WWP2: variants seen among roughly 807,000 people sequenced by gnomAD.
WWP2 encodes the protein WW domain containing E3 ubiquitin protein ligase 2.
A neutral mutation model predicts 121.0 loss-of-function variants in WWP2; 57 were observed. The observed-to-expected ratio is 0.47, with a 90% CI of 0.38 to 0.59. The LOEUF is 0.59. WWP2 is among the 20% of genes least tolerant of loss of function. WWP2 has a pLI of 0.00. For synonymous variants in WWP2, 449 were observed against 441.3 expected, an observed-to-expected ratio of 1.02 and a Z score of -0.22; for missense variants, 962 against 1,158.9, an observed-to-expected ratio of 0.83 and a Z score of 2.47.
chr16:69,937,036 G>A lies in WWP2; in HGVS notation c.2118-82G>A, dbSNP rs979841275. On this transcript the variant is annotated intron_variant, in intron 19 of 23. Transcript: ENST00000359154. The surrounding 1 kb of genome is among the most constrained non-coding windows in gnomAD (Gnocchi z 6.6). ...CTCTGCTGATCTGGTGGTCCTGCGCGGTAACGGCCACGCGGCCTGGCCGGG... is the reference window on the plus strand; with the variant it reads ...CTCTGCTGATCTGGTGGTCCTGCGCAGTAACGGCCACGCGGCCTGGCCGGG... The A allele has an allele frequency of 4.9e-5, 76 of 1,545,022 alleles. No homozygotes were observed. Among genetic ancestry groups the A allele is most frequent in the Non-Finnish European group, 5.9e-5 (68 of 1,143,404 alleles).
intron 1 of WWP2, among the ~76,000 whole-genome samples, chr16:69,766,664 C>A (rs1296051881): frequency 6.6e-6 from 1 of 152,186 alleles, no homozygotes; most frequent in Non-Finnish European, 1.5e-5. Context: ...GACCCTTAAG[C>A]CCCTATTCAG....
chr16:69,829,621 C>T (rs771790030), intron 4 of WWP2, among the ~76,000 whole-genome samples: 13 of 152,202 alleles, frequency 8.5e-5, no homozygotes, highest in Non-Finnish European at 1.6e-4. Flanking sequence ...TGACAGTTAT[C>T]AGTTTCTCAA....
chr16:69,843,134 A>G (rs2057010287), intron 6 of WWP2, among the ~76,000 whole-genome samples: 1 of 152,096 alleles, frequency 6.6e-6, no homozygotes, highest in Non-Finnish European at 1.5e-5. Flanking sequence ...AGCCACAGTT[A>G]TTCTTCCAGG....
intron 1 of WWP2, among the ~76,000 whole-genome samples, chr16:69,785,160 G>C (rs1432902541): frequency 1.3e-5 from 2 of 151,904 alleles, no homozygotes; most frequent in East Asian, 3.9e-4. Flanking sequence ...TTCAACTTGG[G>C]AGGTGGAGGC....
chr16:69,937,079 G>A lies in WWP2; in HGVS notation c.2118-39G>A, dbSNP rs375663821. 1 of 1,606,358 alleles carries A rather than the reference G, an allele frequency of 6.2e-7. No homozygotes were observed. On this transcript the variant is annotated intron_variant, in intron 19 of 23. Transcript: ENST00000359154. This position sits in a 1 kb window ranked among gnomAD's most constrained non-coding sequence, Gnocchi z 6.6. ...TGGCCGGGAGCCACCCCTGAGCAGT[G>A]GGTCTCAGACTCCACCCATGGCTGC... is the stretch of plus-strand genomic sequence containing the variant.
chr16:69,846,745 A>T (rs2057088627), intron 6 of WWP2, among the ~76,000 whole-genome samples: 1 of 151,866 alleles, frequency 6.6e-6, no homozygotes, highest in Non-Finnish European at 1.5e-5. Context: ...AGAAAAAAGA[A>T]TGGGAATAAT....
intron 8 of WWP2, among the ~76,000 whole-genome samples, chr16:69,896,671 G>A (rs1481796971): frequency 6.6e-6 from 1 of 151,440 alleles, no homozygotes; most frequent in African/African-American, 2.4e-5. Flanking sequence ...AATAACAACA[G>A]TTAACAAACA....
intron 6 of WWP2, among the ~76,000 whole-genome samples, chr16:69,865,850 C>T (rs141664263): frequency 1.3e-5 from 2 of 152,300 alleles, no homozygotes; most frequent in African/African-American, 4.8e-5. Context: ...CAGAACCACA[C>T]CATAGTCAGT....
intron 1 of WWP2, among the ~76,000 whole-genome samples, chr16:69,769,779 G>T (rs1225327767): frequency 3.3e-5 from 5 of 151,922 alleles, no homozygotes; most frequent in Admixed American, 6.6e-5. Flanking sequence ...ATTTAGAGAG[G>T]GTAGGTATGA....
chr16:69,811,960 G>T (rs960884599), intron 4 of WWP2, among the ~76,000 whole-genome samples: 1 of 152,090 alleles, frequency 6.6e-6, no homozygotes, highest in Non-Finnish European at 1.5e-5. Flanking sequence ...GGATACTACA[G>T]TACAATTAAC....
chr16:69,832,824 T>C (rs9630631), intron 4 of WWP2, among the ~76,000 whole-genome samples: 57,770 of 151,954 alleles, frequency 0.38, 11,193 homozygotes, highest in Admixed American at 0.49. Flanking sequence ...ATTACAGGTG[T>C]GAACCACTGT....
chr16:69,817,141 C>A (rs1408050207), intron 4 of WWP2, among the ~76,000 whole-genome samples: 1 of 152,120 alleles, frequency 6.6e-6, no homozygotes, highest in Non-Finnish European at 1.5e-5. Flanking sequence ...TTTTTCCCCC[C>A]AAATGGGAAC....
intron 6 of WWP2, among the ~76,000 whole-genome samples, chr16:69,854,952 C>T (rs2057283895): frequency 6.6e-6 from 1 of 152,126 alleles, no homozygotes; most frequent in Non-Finnish European, 1.5e-5. Flanking sequence ...ACCTCCAAGG[C>T]TCAAGTGATC....
intron 2 of WWP2, among the ~76,000 whole-genome samples, chr16:69,795,107 G>A (rs904443606): frequency 7.9e-5 from 12 of 152,038 alleles, no homozygotes; most frequent in Admixed American, 3.3e-4. Flanking sequence ...GTGGTGTTGC[G>A]CACTGGTAGT....
chr16:69,916,866 A>T (rs1189689239), intron 9 of WWP2, among the ~76,000 whole-genome samples: 1 of 151,526 alleles, frequency 6.6e-6, no homozygotes, highest in Non-Finnish European at 1.5e-5. Flanking sequence ...CCTTGAGTTT[A>T]AAAAAAAATC....
intron 8 of WWP2, among the ~76,000 whole-genome samples, chr16:69,905,152 C>T (rs1410341248): frequency 6.6e-6 from 1 of 152,252 alleles, no homozygotes; most frequent in Non-Finnish European, 1.5e-5. Context: ...CACTGCTTGG[C>T]AGCGCTCTCT....
At chr16:69,926,621 A>G (rs1218488330) in intron 11 of WWP2, among the ~76,000 whole-genome samples, 1 of 152,168 alleles carries the variant, frequency 6.6e-6, no homozygotes, top group Non-Finnish European at 1.5e-5. Flanking sequence ...ACTGCAGTCC[A>G]GTGTGCCAGA....
At position 69,844,601 on chromosome 16, in the gene WWP2, G is replaced by A. The variant is rs143057455; in HGVS notation, c.575+2481G>A. On this transcript the variant is annotated intron_variant, in intron 6 of 23. Coordinates refer to ENST00000359154, the MANE Select transcript of WWP2 (RefSeq NM_001270454.2). Reference sequence around the variant, plus strand: ...AAATTCAGAGATCCTGTTAAACCTCGTTTGTTGTCATTGGTGTTGAGAATG... The same window carrying A: ...AAATTCAGAGATCCTGTTAAACCTCATTTGTTGTCATTGGTGTTGAGAATG... 1.6e-3 allele frequency among the ~76,000 whole-genome samples: 250 copies of A among 152,212 alleles called. 1 individual carries two copies. Among genetic ancestry groups the A allele is most frequent in the African/African-American group, 4.6e-3 (191 of 41,534 alleles).
intron 14 of WWP2, 121 bp downstream of exon 14, chr16:69,931,348 C>T: frequency 6.8e-7 from 1 of 1,475,228 alleles, no homozygotes; most frequent in Non-Finnish European, 9.4e-7. Flanking sequence ...AGACACTTGT[C>T]TAACCCGGAG....
Sources: gnomAD v4.1 joint callset for allele counts (sites outside exome capture counted in the v4.1 genomes callset) on GRCh38, gnomAD v4.1.1 for gene constraint, Gnocchi (gnomAD v3.1) non-coding constraint, MANE v1.5 for transcripts, NCBI Gene and HGNC (gene_info 2026-07-23, HGNC 2026-07-21) for gene names.